Variants in LITAF observed in about 807,000 individuals in gnomAD.
LITAF encodes the protein lipopolysaccharide induced TNF factor, also known as lipopolysaccharide-induced tumor necrosis factor-alpha factor.
In LITAF, 9 loss-of-function variants were observed where a neutral mutation model predicts 14.5. That is an observed-to-expected ratio of 0.62 (90% CI 0.37 to 1.08). The LOEUF is 1.08. Ranked by LOEUF, LITAF falls within the 50% of genes least tolerant of loss-of-function variation. The pLI, the probability that LITAF is intolerant of heterozygous loss-of-function variation, is 0.01. For missense variants in LITAF, 206 were observed against 213.4 expected, an observed-to-expected ratio of 0.97 and a Z score of 0.22; for synonymous variants, 98 against 88.2, an observed-to-expected ratio of 1.11 and a Z score of -0.62.
intron 1 of LITAF, among the ~76,000 whole-genome samples, chr16:11,593,336 A>T (rs1431989972): frequency 1.4e-5 from 2 of 145,262 alleles, no homozygotes; most frequent in African/African-American, 2.6e-5. Context: ...AGCATGGGAG[A>T]CAAGCGAAAC....
At chr16:11,637,341 A>G (rs2065142058), upstream of LITAF, among the ~76,000 whole-genome samples, 1 of 152,222 alleles carries the variant, frequency 6.6e-6, no homozygotes, top group Non-Finnish European at 1.5e-5. Context: ...GAGCCACAGT[A>G]GAGTGGTCCA....
rs2064276133 is a variant in LITAF at position 11,556,695 on chromosome 16, C to A, written c.36G>T (p.Gly12=). ...SVPGPYQAAT[G]PSSAPSAPPS... ...GAGGTGCGGATGGTGCTGAGGAAGG[C>A]CCAGTGGCCGCCTGGTAAGGTCCTG... is the stretch of plus-strand genomic sequence containing the variant. The change falls in exon 2 of 4, where the codon GGG becomes GGT. Residue 12 remains glycine (G), a synonymous_variant. Coordinates refer to ENST00000622633, the MANE Select transcript of LITAF (RefSeq NM_001136472.2). The A allele has an allele frequency of 6.2e-7, 1 of 1,614,186 alleles. No homozygotes were observed. Among genetic ancestry groups the A allele is most frequent in the Non-Finnish European group, 8.5e-7 (1 of 1,180,040 alleles).
chr16:11,561,462 C>T (rs972237447), intron 1 of LITAF: 1 of 152,226 alleles, frequency 6.6e-6, no homozygotes, highest in Non-Finnish European at 1.5e-5. Context: ...GCCTCTCCCC[C>T]TTTATTGAGA....
chr16:11,574,087 G>A (rs904917838), intron 1 of LITAF, among the ~76,000 whole-genome samples: 2 of 151,790 alleles, frequency 1.3e-5, no homozygotes, highest in Non-Finnish European at 2.9e-5. Context: ...GGTTGCCCAG[G>A]CTGGAGTGCA....
At chr16:11,556,789 C>A in intron 1 of LITAF, 54 bp from the exon 2 acceptor site, 1 of 1,409,966 alleles carries the variant, frequency 7.1e-7, no homozygotes, top group South Asian at 1.2e-5. Context: ...CTCTCCCTCT[C>A]TTTTTCACCT....
intron 1 of LITAF, among the ~76,000 whole-genome samples, chr16:11,578,297 C>T (rs189654799): frequency 3.9e-5 from 6 of 152,330 alleles, no homozygotes; most frequent in Non-Finnish European, 8.8e-5. Context: ...GTGGCTCATG[C>T]CTGTAATCCC....
chr16:11,575,213 T>C (rs2064612369), intron 1 of LITAF, among the ~76,000 whole-genome samples: 1 of 152,118 alleles, frequency 6.6e-6, no homozygotes, highest in Non-Finnish European at 1.5e-5. Flanking sequence ...TTGCCGGCCT[T>C]ATGGGACCCA....
At chr16:11,592,152 G>C (rs932647399), upstream of LITAF, among the ~76,000 whole-genome samples, 1 of 152,180 alleles carries the variant, frequency 6.6e-6, no homozygotes, top group Admixed American at 6.5e-5. Flanking sequence ...TATCAGGAGA[G>C]TAAAAAGACA....
upstream of LITAF, among the ~76,000 whole-genome samples, chr16:11,602,274 T>A (rs569748198): frequency 1.3e-5 from 2 of 152,216 alleles, no homozygotes; most frequent in East Asian, 3.9e-4. Flanking sequence ...AAGAATTGCT[T>A]GAGCCCGGGA....
At chr16:11,572,708 T>C (rs189286649) in intron 1 of LITAF, among the ~76,000 whole-genome samples, 1 of 152,158 alleles carries the variant, frequency 6.6e-6, no homozygotes, top group Admixed American at 6.5e-5. Flanking sequence ...CAGAGGACAA[T>C]GAATAGAGAG....
intron 1 of LITAF, among the ~76,000 whole-genome samples, chr16:11,557,423 CT>C (rs1941982346): frequency 6.6e-6 from 1 of 152,000 alleles, no homozygotes; most frequent in Non-Finnish European, 1.5e-5. Context: ...AATGTATATA[CT>C]TTTTTGTATG....
At chr16:11,603,667 G>A (rs957113034) in intron 3 of LITAF, among the ~76,000 whole-genome samples, 3 of 152,118 alleles carry the variant, frequency 2.0e-5, no homozygotes, top group African/African-American at 7.2e-5. Context: ...ATCCCAACCC[G>A]GCCACCTCAG....
chr16:11,566,292 T>A (rs1390791872), intron 1 of LITAF, among the ~76,000 whole-genome samples: 1 of 152,164 alleles, frequency 6.6e-6, no homozygotes, highest in African/African-American at 2.4e-5. Flanking sequence ...GGTGACCCAA[T>A]GTCCCAGTCT....
intron 1 of LITAF, among the ~76,000 whole-genome samples, chr16:11,566,998 C>T (rs935095764): frequency 1.3e-5 from 2 of 152,178 alleles, no homozygotes; most frequent in African/African-American, 4.8e-5. Flanking sequence ...CAAATATGCT[C>T]AAGAACTGGA....
intron 3 of LITAF, among the ~76,000 whole-genome samples, chr16:11,615,275 G>T (rs779088999): frequency 2.0e-5 from 3 of 152,188 alleles, no homozygotes. Flanking sequence ...GGTGGCTCAC[G>T]CCTGTAATCC....
At chr16:11,640,238 G>A (rs1377674284), upstream of LITAF, among the ~76,000 whole-genome samples, 2 of 152,180 alleles carry the variant, frequency 1.3e-5, no homozygotes, top group African/African-American at 2.4e-5. Flanking sequence ...TTCGTGGAGC[G>A]ACTGAGTGTG....
intron 3 of LITAF, among the ~76,000 whole-genome samples, chr16:11,610,795 C>A (rs11641184): frequency 0.36 from 54,800 of 151,968 alleles, 12,049 homozygotes; most frequent in Middle Eastern, 0.49. Context: ...TCAAGGCAAC[C>A]TGTAATGTAC....
chr16:11,600,315 A>G (rs989613826), upstream of LITAF, among the ~76,000 whole-genome samples: 4 of 152,220 alleles, frequency 2.6e-5, no homozygotes, highest in Admixed American at 6.5e-5. This position sits in a 1 kb window ranked among gnomAD's most constrained non-coding sequence, Gnocchi z 4.1. Context: ...CATGGTTGTT[A>G]TTCCACGTCT....
At chr16:11,565,595 G>A (rs1042656458) in intron 1 of LITAF, among the ~76,000 whole-genome samples, 4 of 151,896 alleles carry the variant, frequency 2.6e-5, no homozygotes, top group South Asian at 2.1e-4. Context: ...ATCAAGCCAC[G>A]TGGGTCTTTC....
Sources: gnomAD v4.1 joint callset for allele counts (sites outside exome capture counted in the v4.1 genomes callset) on GRCh38, gnomAD v4.1.1 for gene constraint, Gnocchi (gnomAD v3.1) non-coding constraint, MANE v1.5 for transcripts, NCBI Gene and HGNC (gene_info 2026-07-23, HGNC 2026-07-21) for gene names.